Variants in VGLL4 observed in about 807,000 individuals in gnomAD.
VGLL4 encodes transcription cofactor vestigial-like protein 4.
Under a neutral mutation model 21.0 loss-of-function variants are expected in VGLL4, and 7 were observed. That is an observed-to-expected ratio of 0.33 (90% CI 0.19 to 0.63). The LOEUF (loss-of-function observed/expected upper bound fraction) is 0.63, where lower values mean the gene tolerates loss of function less well. Ranked by LOEUF, VGLL4 falls within the 20% of genes least tolerant of loss-of-function variation. The pLI, the probability that VGLL4 is intolerant of heterozygous loss-of-function variation, is 0.78. For synonymous variants in VGLL4, 222 were observed against 173.2 expected, an observed-to-expected ratio of 1.28 and a Z score of -2.21; for missense variants, 394 against 425.7, an observed-to-expected ratio of 0.93 and a Z score of 0.66.
rs1326166861 is a variant in VGLL4, at chr3:11,719,231, G to A, written c.-14+1163C>T. Among the ~76,000 whole-genome samples the A allele has an allele frequency of 6.6e-6, 1 of 152,060 alleles. No individual in the cohort carries two copies. Among genetic ancestry groups the A allele is most frequent in the Non-Finnish European group, 1.5e-5 (1 of 67,976 alleles). On this transcript the variant is annotated intron_variant, in intron 1 of 5. Transcript: ENST00000273038. The surrounding 1 kb of genome is among the most constrained non-coding windows in gnomAD (Gnocchi z 4.0). ...GCCCCGAGCCTCCGACTCCCAGGACGTCCTCCGGGAGCCTAGGCGCTTCCG... is the reference window on the plus strand; with the variant it reads ...GCCCCGAGCCTCCGACTCCCAGGACATCCTCCGGGAGCCTAGGCGCTTCCG...
intron 2 of VGLL4, among the ~76,000 whole-genome samples, chr3:11,679,008 A>G (rs1047692334): frequency 2.0e-5 from 3 of 152,214 alleles, no homozygotes; most frequent in Non-Finnish European, 4.4e-5. Flanking sequence ...CAGTCATATA[A>G]AAGTTTGGCA....
Position 11,568,740 on chromosome 3 carries a change from C to A in VGLL4, c.273-3721G>T. ...CTCCCGGGGACGGCAGAAAACCGCA[C>A]GCATCCTGCCCGGGAGATGGAAGTC... On this transcript the variant is annotated intron_variant, in intron 2 of 4. Transcript: ENST00000430365. The surrounding 1 kb of genome is among the most constrained non-coding windows in gnomAD (Gnocchi z 5.9). The A allele has an allele frequency of 6.5e-7, 1 of 1,529,904 alleles. No individual in the cohort carries two copies. The highest frequency in any genetic ancestry group is 8.8e-7 in the Non-Finnish European group (1 of 1,137,314). 94.8% of individuals were successfully genotyped at this position (1,529,904 alleles called of 1,614,324 possible). A position where few individuals can be genotyped will look rare whatever the true frequency, so the allele number is the denominator to read the frequency against.
chr3:11,703,009 G>A (rs776106266), exon 2 of VGLL4: 5 of 1,612,804 alleles, frequency 3.1e-6, no homozygotes, highest in Non-Finnish European at 4.2e-6. Context: ...TGCTGCCCTG[G>A]ACAAAACATC....
intron 2 of VGLL4, among the ~76,000 whole-genome samples, chr3:11,595,398 C>T (rs1382238280): frequency 1.3e-5 from 2 of 152,152 alleles, no homozygotes; most frequent in Non-Finnish European, 2.9e-5. Context: ...GGACTGTAAA[C>T]TAGTTCAACC....
chr3:11,569,568 G>A (rs1327720490), intron 2 of VGLL4, among the ~76,000 whole-genome samples: 1 of 152,256 alleles, frequency 6.6e-6, no homozygotes. Flanking sequence ...GAGATTCAAA[G>A]GAGGAGGGGC....
At chr3:11,595,331 A>G (rs935205953) in intron 2 of VGLL4, among the ~76,000 whole-genome samples, 16 of 152,138 alleles carry the variant, frequency 1.1e-4, no homozygotes, top group Non-Finnish European at 1.9e-4. Context: ...AAAAGTCAGG[A>G]AACAACAGGT....
chr3:11,561,310 G>A (rs1467692331), intron 3 of VGLL4, among the ~76,000 whole-genome samples: 1 of 152,110 alleles, frequency 6.6e-6, no homozygotes, highest in Non-Finnish European at 1.5e-5. Flanking sequence ...TCTATCCAAG[G>A]CAGGAAAGGC....
intron 1 of VGLL4, among the ~76,000 whole-genome samples, chr3:11,605,566 C>A (rs990489075): frequency 1.1e-4 from 17 of 151,968 alleles, no homozygotes; most frequent in African/African-American, 3.9e-4. Flanking sequence ...CCTGCAAAAC[C>A]ACTTAAAATG....
Position 11,573,324 on chromosome 3 carries a change from A to G in VGLL4, c.273-8305T>C, listed in dbSNP as rs1307537563. On this transcript the variant is annotated intron_variant, in intron 2 of 4. Coordinates refer to ENST00000430365, the MANE Select transcript of VGLL4 (RefSeq NM_001128219.3). ...GAAAGAAAGGAAGGAAGGAAGAAAG[A>G]AAGAAAGAAAGAAAGAAAGAAAGAA... Among the ~76,000 whole-genome samples the G allele has an allele frequency of 3.2e-3, 126 of 39,472 alleles. 10 individuals carry two copies. The highest frequency in any genetic ancestry group is 0.01 in the East Asian group (13 of 1,300). 25.9% of individuals were successfully genotyped at this position (39,472 alleles called of 152,430 possible). A position where few individuals can be genotyped will look rare whatever the true frequency, so the allele number is the denominator to read the frequency against.
intron 2 of VGLL4, among the ~76,000 whole-genome samples, chr3:11,567,123 G>C (rs562898494): frequency 6.6e-6 from 1 of 152,262 alleles, no homozygotes; most frequent in African/African-American, 2.4e-5. Context: ...ATGTCATTCT[G>C]CGCCATCTCC....
chr3:11,653,678 G>A lies in VGLL4; in HGVS notation c.64+49293C>T, dbSNP rs1228616602. ...CAGATACGCAGAAAGTGTATGTTCA[G>A]CTTAAGTAAATATTGCCAAATAGTT... On this transcript the variant is annotated intron_variant, in intron 2 of 5. Transcript: ENST00000273038. The surrounding 1 kb of genome is among the most constrained non-coding windows in gnomAD (Gnocchi z 4.2). Among the ~76,000 whole-genome samples the A allele has an allele frequency of 6.6e-6, 1 of 152,188 alleles. No individual in the cohort carries two copies. The highest frequency in any genetic ancestry group is 2.4e-5 in the African/African-American group (1 of 41,456).
At position 11,622,144 on chromosome 3, in the gene VGLL4, A is replaced by G. The variant is rs534259115; in HGVS notation, c.83-20122T>C. ...GTTACCTACAGCCTTCAGAGGTACCAACAAGAAACCTTTACAAAAACCTAA... is the reference window on the plus strand; with the variant it reads ...GTTACCTACAGCCTTCAGAGGTACCGACAAGAAACCTTTACAAAAACCTAA... On this transcript the variant is annotated intron_variant, in intron 1 of 4. Coordinates refer to ENST00000430365, the MANE Select transcript of VGLL4 (RefSeq NM_001128219.3). Among the ~76,000 whole-genome samples, 35 of 152,338 alleles carry G rather than the reference A, an allele frequency of 2.3e-4. 1 individual carries two copies. The South Asian group carries it at 7.0e-3, about 31-fold the overall frequency.
chr3:11,606,342 G>A (rs189427992), intron 1 of VGLL4, among the ~76,000 whole-genome samples: 16 of 152,266 alleles, frequency 1.1e-4, no homozygotes, highest in South Asian at 2.1e-4. Flanking sequence ...GTCCAACATC[G>A]TCAGCCATCA....
At chr3:11,687,420 A>G (rs113898551) in intron 2 of VGLL4, among the ~76,000 whole-genome samples, 27 of 152,328 alleles carry the variant, frequency 1.8e-4, no homozygotes, top group Middle Eastern at 3.4e-3. Flanking sequence ...CTTGTTAGAT[A>G]TGTCCCTAAA....
chr3:11,599,471 A>G (rs978053946), intron 2 of VGLL4, among the ~76,000 whole-genome samples: 3 of 141,302 alleles, frequency 2.1e-5, no homozygotes, highest in Non-Finnish European at 4.6e-5. Context: ...GTCATCACAG[A>G]CCCGTACCTC....
intron 2 of VGLL4, among the ~76,000 whole-genome samples, chr3:11,578,606 A>C (rs548291920): frequency 6.6e-6 from 1 of 151,788 alleles, no homozygotes; most frequent in East Asian, 1.9e-4. Context: ...GCAAAAAAAA[A>C]AAAAGTAATA....
chr3:11,681,223 G>C (rs552123541), intron 2 of VGLL4, among the ~76,000 whole-genome samples: 1 of 151,962 alleles, frequency 6.6e-6, no homozygotes, highest in Admixed American at 6.6e-5. Flanking sequence ...TCAGCCTCCC[G>C]AGTAGCTGGG....
Position 11,601,985 on chromosome 3 carries a change from G to T in VGLL4, c.120C>A (p.Thr40=). ...AALRGEPRIQ[T]LPVASALSSH... is the part of the protein sequence containing the mutation. ...TGCTGAGGGCAGAGGCCACCGGCAG[G>T]GTCTGTATTCTGGGTTCTCCCCTGA... The change falls in exon 2 of 5, where the codon ACC becomes ACA. Residue 40 remains threonine (T), a synonymous_variant. Transcript: ENST00000430365. 1.9e-6 allele frequency: 3 copies of T among 1,601,032 alleles called. No homozygotes were observed. Among genetic ancestry groups the T allele is most frequent in the Non-Finnish European group, 2.6e-6 (3 of 1,175,356 alleles).
chr3:11,645,702 T>A (rs2075780494), upstream of VGLL4, among the ~76,000 whole-genome samples: 3 of 151,368 alleles, frequency 2.0e-5, no homozygotes, highest in Admixed American at 2.0e-4. Flanking sequence ...CCGGATGCGG[T>A]GGCTCACGCG....
Sources: gnomAD v4.1 joint callset for allele counts (sites outside exome capture counted in the v4.1 genomes callset) on GRCh38, gnomAD v4.1.1 for gene constraint, Gnocchi (gnomAD v3.1) non-coding constraint, MANE v1.5 for transcripts, NCBI Gene and HGNC (gene_info 2026-07-23, HGNC 2026-07-21) for gene names.